Variants in CDH18 observed in about 807,000 individuals in gnomAD.
CDH18 encodes cadherin-18.
In CDH18, 31 loss-of-function variants were observed where a neutral mutation model predicts 67.9. That is an observed-to-expected ratio of 0.46 (90% CI 0.34 to 0.62). CDH18 has a LOEUF of 0.62. CDH18 is among the 20% of genes least tolerant of loss of function. The probability of loss-of-function intolerance (pLI) is 0.01; values close to 1 mark genes in which losing one functional copy is unlikely to be tolerated. For missense variants in CDH18, 890 were observed against 975.5 expected, an observed-to-expected ratio of 0.91 and a Z score of 1.17; for synonymous variants, 362 against 347.2, an observed-to-expected ratio of 1.04 and a Z score of -0.48.
At chr5:19,998,101 G>C (rs904700485) in intron 2 of CDH18, among the ~76,000 whole-genome samples, 1 of 152,162 alleles carries the variant, frequency 6.6e-6, no homozygotes, top group Non-Finnish European at 1.5e-5. Flanking sequence ...ATTTAAACCA[G>C]GATAATGAAA....
intron 2 of CDH18, among the ~76,000 whole-genome samples, chr5:20,110,864 G>A (rs896244302): frequency 9.2e-5 from 14 of 152,074 alleles, no homozygotes; most frequent in East Asian, 1.9e-4. Flanking sequence ...TTATTTATTC[G>A]TAGTAAATAA....
At chr5:19,549,017 T>G (rs545433406) in intron 8 of CDH18, among the ~76,000 whole-genome samples, 17 of 152,150 alleles carry the variant, frequency 1.1e-4, no homozygotes, top group Non-Finnish European at 2.5e-4. Flanking sequence ...CCCAAAGTGC[T>G]GGGATAGGCC....
chr5:20,192,082 T>C (rs1738587717), intron 2 of CDH18, among the ~76,000 whole-genome samples: 1 of 152,070 alleles, frequency 6.6e-6, no homozygotes, highest in Admixed American at 6.6e-5. Context: ...CTCATTGTGG[T>C]TTTGATTTGC....
chr5:19,953,862 G>C (rs1012045929), intron 2 of CDH18, among the ~76,000 whole-genome samples: 1 of 151,900 alleles, frequency 6.6e-6, no homozygotes, highest in African/African-American at 2.4e-5. Flanking sequence ...TGTATGGGGA[G>C]GGGAGTTAAA....
chr5:19,979,215 AGTGTGTGT>A (rs113093535), intron 2 of CDH18, among the ~76,000 whole-genome samples: 4 of 146,944 alleles, frequency 2.7e-5, no homozygotes, highest in African/African-American at 5.0e-5. Context: ...GTGGGGATGG[AGTGTGTGT>A]GTGTGTGTGT....
intron 1 of CDH18, among the ~76,000 whole-genome samples, chr5:20,318,636 C>G (rs941085606): frequency 1.5e-4 from 23 of 152,096 alleles, no homozygotes; most frequent in African/African-American, 5.1e-4. Flanking sequence ...TGTCAGCTTC[C>G]CCTTCACCTT....
At chr5:19,490,410 T>G (rs1451201440) in intron 11 of CDH18, among the ~76,000 whole-genome samples, 4 of 124,752 alleles carry the variant, frequency 3.2e-5, no homozygotes, top group African/African-American at 9.2e-5. Context: ...TTTTTTTTTT[T>G]TTTTTTTTTT....
chr5:19,635,042 A>G (rs1752946494), intron 5 of CDH18, among the ~76,000 whole-genome samples: 1 of 152,182 alleles, frequency 6.6e-6, no homozygotes, highest in African/African-American at 2.4e-5. Flanking sequence ...CCTTATTTTC[A>G]ATTCAAAATA....
At chr5:19,555,377 G>A (rs1029876976) in intron 8 of CDH18, among the ~76,000 whole-genome samples, 1 of 152,188 alleles carries the variant, frequency 6.6e-6, no homozygotes, top group Non-Finnish European at 1.5e-5. Context: ...TCTGGGGCAA[G>A]TTCTTAGCTG....
At position 19,473,311 on chromosome 5, in the gene CDH18, T is replaced by TCC; in HGVS notation, c.2286_2287dup (p.Asp763GlyfsTer16). On this transcript the variant is annotated frameshift_variant, in exon 13 of 13. Transcript: ENST00000382275. LOFTEE classifies it high-confidence loss of function. ...TCCCCAGTCTCCAAGGTAGTGATAA[T>TCC]CCTGGTCTGATTGTGTCGTTGCTGA... is the stretch of plus-strand genomic sequence containing the variant. 1 of 1,613,882 alleles carries TCC rather than the reference T, an allele frequency of 6.2e-7. No individual in the cohort carries two copies. Among genetic ancestry groups the TCC allele is most frequent in the Non-Finnish European group, 8.5e-7 (1 of 1,179,870 alleles).
intron 1 of CDH18, among the ~76,000 whole-genome samples, chr5:20,545,535 T>A (rs1757292532): frequency 6.6e-6 from 1 of 152,182 alleles, no homozygotes; most frequent in South Asian, 2.1e-4. Context: ...CAACAGCAAA[T>A]GGAAGCTGCC....
intron 12 of CDH18, among the ~76,000 whole-genome samples, chr5:19,476,359 C>T (rs1738462324): frequency 6.6e-6 from 1 of 152,036 alleles, no homozygotes; most frequent in African/African-American, 2.4e-5. Context: ...CCCTGATCTA[C>T]AAATATTATG....
At chr5:19,699,133 T>C (rs185917998) in intron 5 of CDH18, among the ~76,000 whole-genome samples, 15 of 152,272 alleles carry the variant, frequency 9.9e-5, no homozygotes, top group Admixed American at 4.6e-4. Flanking sequence ...TTTTATGTAA[T>C]AGGTTAATTC....
At chr5:19,697,964 T>A (rs568302675) in intron 5 of CDH18, among the ~76,000 whole-genome samples, 1 of 152,332 alleles carries the variant, frequency 6.6e-6, no homozygotes, top group East Asian at 1.9e-4. Flanking sequence ...TATACTTTAC[T>A]GAAATTCACA....
intron 2 of CDH18, among the ~76,000 whole-genome samples, chr5:19,860,834 T>C (rs1784816993): frequency 6.6e-6 from 1 of 152,138 alleles, no homozygotes; most frequent in South Asian, 2.1e-4. Flanking sequence ...GAACATCTTT[T>C]ATTATACTTA....
In CDH18 at chr5:19,666,548, C is replaced by T. The variant is rs79033566; in HGVS notation, c.644-53947G>A. 2.9e-4 allele frequency among the ~76,000 whole-genome samples: 44 copies of T among 151,946 alleles called. No individual in the cohort carries two copies. In the East Asian group the frequency reaches 7.0e-3, roughly 24 times the overall value. On this transcript the variant is annotated intron_variant, in intron 5 of 12. Transcript: ENST00000382275. ...AACACGTGACTAAAAAAGGATTTCC[C>T]GAGGAAATTATGGCCATTGAATCTG...
chr5:20,048,837 C>A (rs1741140765), intron 2 of CDH18, among the ~76,000 whole-genome samples: 3 of 151,518 alleles, frequency 2.0e-5, no homozygotes, highest in Non-Finnish European at 4.4e-5. Flanking sequence ...TAAAGTTGCA[C>A]ATATATAGCT....
chr5:19,605,574 T>C (rs1019726264), intron 6 of CDH18, among the ~76,000 whole-genome samples: 3 of 152,026 alleles, frequency 2.0e-5, no homozygotes, highest in Admixed American at 2.0e-4. Context: ...ATCTTTCAAA[T>C]CTGGATATGA....
chr5:20,173,903 A>C (rs540452441), intron 2 of CDH18, among the ~76,000 whole-genome samples: 20 of 152,270 alleles, frequency 1.3e-4, no homozygotes, highest in African/African-American at 4.8e-4. Flanking sequence ...TAGTGGGCTA[A>C]AACCTTTGAG....
Sources: gnomAD v4.1 joint callset for allele counts (sites outside exome capture counted in the v4.1 genomes callset) on GRCh38, gnomAD v4.1.1 for gene constraint, MANE v1.5 for transcripts, NCBI Gene and HGNC (gene_info 2026-07-23, HGNC 2026-07-21) for gene names.